ULK4: variants seen among roughly 807,000 people sequenced by gnomAD.
The protein encoded by ULK4 is unc-51 like kinase 4, also known as inactive serine/threonine-protein kinase ULK4.
Under a neutral mutation model 160.6 loss-of-function variants are expected in ULK4, and 133 were observed. That is an observed-to-expected ratio of 0.83 (90% CI 0.72 to 0.96). ULK4 has a LOEUF of 0.96. ULK4 is among the 40% of genes least tolerant of loss of function. ULK4 has a pLI of 0.00. For synonymous variants in ULK4, 534 were observed against 539.8 expected (o/e 0.99, Z 0.15); for missense variants, 1,580 against 1,499.5 (o/e 1.05, Z -0.89).
intron 35 of ULK4, among the ~76,000 whole-genome samples, chr3:41,337,911 A>G (rs2125747323): frequency 6.6e-6 from 1 of 152,326 alleles, no homozygotes; most frequent in Middle Eastern, 3.4e-3. Context: ...ATGGACACTG[A>G]AAGCCTTTCT....
At chr3:41,419,909 C>T (rs1015439976) in intron 34 of ULK4, among the ~76,000 whole-genome samples, 3 of 151,850 alleles carry the variant, frequency 2.0e-5, no homozygotes, top group Non-Finnish European at 4.4e-5. Context: ...GCCACTGTGA[C>T]CCCTCACAGG....
chr3:41,695,431 C>T (rs1293271043), intron 27 of ULK4, among the ~76,000 whole-genome samples: 1 of 152,246 alleles, frequency 6.6e-6, no homozygotes, highest in Middle Eastern at 3.4e-3. Context: ...TGACTAATTT[C>T]ATAGCTAGGG....
At chr3:41,856,537 G>GTATA (rs199794363) in intron 17 of ULK4, among the ~76,000 whole-genome samples, 1 of 87,830 alleles carries the variant, frequency 1.1e-5, no homozygotes, top group Admixed American at 1.4e-4. Flanking sequence ...ATATATGTAT[G>GTATA]TATATATATA....
At position 41,379,497 on chromosome 3, in the gene ULK4, C is replaced by G. The variant is rs79612732; in HGVS notation, c.3678+18582G>C. ...CAATGGTGTTGAAAAAGACTAATCC[C>G]TGAAACAGAAAACGTTAAACAAGCC... On this transcript the variant is annotated intron_variant, in intron 35 of 36. Transcript: ENST00000301831. Among the ~76,000 whole-genome samples, 1,030 of 152,280 alleles carry G rather than the reference C, an allele frequency of 6.8e-3. 4 individuals carry two copies. The highest frequency in any genetic ancestry group is 0.015 in the African/African-American group (635 of 41,568).
chr3:41,678,268 G>GA (rs1420625097), intron 29 of ULK4, among the ~76,000 whole-genome samples: 1 of 149,848 alleles, frequency 6.7e-6, no homozygotes, highest in Non-Finnish European at 1.5e-5. Flanking sequence ...CCATCATACA[G>GA]ATATTTATTC....
At chr3:41,616,081 T>C (rs1210246871) in intron 30 of ULK4, among the ~76,000 whole-genome samples, 1 of 152,228 alleles carries the variant, frequency 6.6e-6, no homozygotes, top group Non-Finnish European at 1.5e-5. Context: ...AATGACACAC[T>C]GTAATTTTTT....
intron 35 of ULK4, among the ~76,000 whole-genome samples, chr3:41,378,154 T>C (rs557473078): frequency 1.9e-4 from 27 of 139,322 alleles, no homozygotes; most frequent in African/African-American, 6.2e-4. Context: ...TATTCTCACT[T>C]ATAGGTGGGA....
chr3:41,282,998 C>T lies in ULK4; in HGVS notation c.3679-33424G>A, dbSNP rs186878944. ...AAAGTTGGCAAATGATATGAACAGA[C>T]ACTTCTCAAAAGAAGACATTTATGC... On this transcript the variant is annotated intron_variant, in intron 35 of 36. Coordinates refer to ENST00000301831, the MANE Select transcript of ULK4 (RefSeq NM_017886.4). Among the ~76,000 whole-genome samples the T allele has an allele frequency of 7.8e-3, 1,186 of 152,312 alleles. 11 individuals are homozygous for T. Among genetic ancestry groups the T allele is most frequent in the Non-Finnish European group, 0.011 (729 of 68,036 alleles).
chr3:41,680,961 T>C (rs1464814108), intron 29 of ULK4, among the ~76,000 whole-genome samples: 1 of 152,230 alleles, frequency 6.6e-6, no homozygotes, highest in Non-Finnish European at 1.5e-5. Flanking sequence ...GTGCCCTCAG[T>C]AGTCATCCTG....
intron 11 of ULK4, among the ~76,000 whole-genome samples, chr3:41,910,512 C>T (rs1417464204): frequency 1.3e-5 from 2 of 151,916 alleles, no homozygotes; most frequent in Non-Finnish European, 2.9e-5. Flanking sequence ...AGGAGAATTG[C>T]CTGAACCTGG....
chr3:41,753,679 G>T (rs913704421), intron 22 of ULK4, among the ~76,000 whole-genome samples: 3 of 152,116 alleles, frequency 2.0e-5, no homozygotes, highest in African/African-American at 7.2e-5. Flanking sequence ...TTACAATAAG[G>T]AAAATTACAA....
At chr3:41,734,250 T>C (rs2037942732) in intron 22 of ULK4, among the ~76,000 whole-genome samples, 1 of 152,042 alleles carries the variant, frequency 6.6e-6, no homozygotes, top group Non-Finnish European at 1.5e-5. Flanking sequence ...TGTTTATTAA[T>C]TGAATGAATA....
chr3:41,921,326 C>T (rs1716661), intron 5 of ULK4, among the ~76,000 whole-genome samples: 105,308 of 151,768 alleles, frequency 0.69, 39,620 homozygotes, highest in East Asian at 0.83. Context: ...AATAAATAAA[C>T]GAGGGCCGGG....
chr3:41,483,071 T>C (rs1176223578), intron 32 of ULK4, among the ~76,000 whole-genome samples: 6 of 152,200 alleles, frequency 3.9e-5, no homozygotes, highest in Non-Finnish European at 7.3e-5. Flanking sequence ...GTACTGACTA[T>C]AGTCACCCTG....
chr3:41,420,907 A>C (rs977423786), intron 34 of ULK4, among the ~76,000 whole-genome samples: 1 of 151,430 alleles, frequency 6.6e-6, no homozygotes, highest in Admixed American at 6.6e-5. Flanking sequence ...TGAGGTAAGG[A>C]GTTTGAGACC....
chr3:41,941,072 T>C (rs1199209989), intron 2 of ULK4, among the ~76,000 whole-genome samples: 3 of 148,512 alleles, frequency 2.0e-5, no homozygotes, highest in African/African-American at 4.9e-5. Flanking sequence ...TCTCACTCTA[T>C]ACCCAGGCTG....
At chr3:41,803,183 G>C (rs559140996) in intron 19 of ULK4, among the ~76,000 whole-genome samples, 4 of 121,502 alleles carry the variant, frequency 3.3e-5, no homozygotes, top group Admixed American at 7.6e-5. Flanking sequence ...AAAAAAAAAA[G>C]ATTTGTAATA....
chr3:41,726,243 C>T (rs1024124560), intron 22 of ULK4, among the ~76,000 whole-genome samples: 1 of 152,156 alleles, frequency 6.6e-6, no homozygotes, highest in African/African-American at 2.4e-5. Flanking sequence ...ATATCCATTA[C>T]ATCTGCTGGG....
At position 41,900,826 on chromosome 3, in the gene ULK4, T is replaced by C; in HGVS notation, c.1186A>G (p.Thr396Ala). 2 of 1,612,024 alleles carry C rather than the reference T, an allele frequency of 1.2e-6. No individual in the cohort carries two copies. The highest frequency in any genetic ancestry group is 2.7e-5 in the African/African-American group (2 of 74,960). ...PQKTSPLTKI[T>A]SGHLSQQDLE... ...TCCTGCTGACTCAGGTGTCCACTTG[T>C]AATCTGAAATGAGAACAAAAATTAG... Residue 396 changes from threonine (T) to alanine (A), a missense_variant, in exon 13 of 37, where the codon ACA (threonine) becomes GCA (alanine). Coordinates refer to ENST00000301831, the MANE Select transcript of ULK4 (RefSeq NM_017886.4).
Sources: gnomAD v4.1 joint callset for allele counts (sites outside exome capture counted in the v4.1 genomes callset) on GRCh38, gnomAD v4.1.1 for gene constraint, MANE v1.5 for transcripts, NCBI Gene and HGNC (gene_info 2026-07-23, HGNC 2026-07-21) for gene names.